Variants in SCARA5 observed in about 807,000 individuals in gnomAD.
SCARA5 encodes scavenger receptor class A, member 5 (putative).
In SCARA5, 45 loss-of-function variants were observed where a neutral mutation model predicts 46.3. That is an observed-to-expected ratio of 0.97 (90% confidence interval 0.76 to 1.24). The LOEUF is 1.24. SCARA5 is among the 50% of genes most tolerant of loss of function. The probability of loss-of-function intolerance (pLI) is 0.00; values close to 1 mark genes in which losing one functional copy is unlikely to be tolerated. For synonymous variants in SCARA5, 333 were observed against 306.5 expected (o/e 1.09, Z -0.90); for missense variants, 680 against 689.0 (o/e 0.99, Z 0.15).
intron 2 of SCARA5, among the ~76,000 whole-genome samples, chr8:27,980,587 CT>C (rs1487822331): frequency 6.6e-6 from 1 of 152,156 alleles, no homozygotes; most frequent in Non-Finnish European, 1.5e-5. Flanking sequence ...AAAGGCGCCC[CT>C]GGTGCCTCTG....
chr8:27,953,171 G>T (rs977278310), intron 3 of SCARA5, among the ~76,000 whole-genome samples: 2 of 152,216 alleles, frequency 1.3e-5, no homozygotes, highest in Non-Finnish European at 2.9e-5. Flanking sequence ...AACCCAGGGG[G>T]CCAGGACATT....
chr8:27,921,888 C>G lies in SCARA5; in HGVS notation c.599G>C (p.Arg200Thr), dbSNP rs770729765. Residue 200 changes from arginine to threonine, a missense_variant, in exon 4 of 9, where the codon AGG (arginine) becomes ACG (threonine). Physicochemically the swap from Arg to Thr is moderately conservative, Grantham distance 71. Around this residue, in one of 3 missense-constraint regions of SCARA5, gnomAD observed 438 missense variants for 384.5 expected, o/e 1.14. Transcript: ENST00000354914. ...VESNSSQLLL[R>T]RHAGLLDGLA... ...CCCGTCCAGCAGGCCCGCGTGGCGCCTCAGCAGCAGCTGGCTACTGTTGCT... is the reference window on the plus strand; with the variant it reads ...CCCGTCCAGCAGGCCCGCGTGGCGCGTCAGCAGCAGCTGGCTACTGTTGCT... 1 of 1,499,012 alleles carries G rather than the reference C, an allele frequency of 6.7e-7. No individual in the cohort carries two copies. Among genetic ancestry groups the G allele is most frequent in the Non-Finnish European group, 8.8e-7 (1 of 1,132,202 alleles). The allele number at this position is 1,499,012 out of a possible 1,614,324, so 92.9% of individuals were successfully genotyped here.
At chr8:27,982,897 A>C (rs988713363) in intron 2 of SCARA5, among the ~76,000 whole-genome samples, 1 of 152,080 alleles carries the variant, frequency 6.6e-6, no homozygotes, top group African/African-American at 2.4e-5. Context: ...AAGAGAAATG[A>C]GGGGCGAGAA....
chr8:27,959,004 A>G (rs1808250276), intron 3 of SCARA5, among the ~76,000 whole-genome samples: 1 of 152,180 alleles, frequency 6.6e-6, no homozygotes, highest in Non-Finnish European at 1.5e-5. Flanking sequence ...AGGCCGAGGC[A>G]GGAAGATCAC....
intron 3 of SCARA5, among the ~76,000 whole-genome samples, chr8:27,945,244 C>A (rs1482011301): frequency 5.9e-5 from 9 of 151,766 alleles, no homozygotes; most frequent in African/African-American, 2.4e-5. Flanking sequence ...AATACTGGTG[C>A]CTCCCTTATT....
intron 3 of SCARA5, among the ~76,000 whole-genome samples, chr8:27,928,048 A>G (rs1007912175): frequency 7.2e-5 from 11 of 152,218 alleles, no homozygotes; most frequent in Non-Finnish European, 1.6e-4. Flanking sequence ...TTCTTTGGGC[A>G]TCAACTTGCG....
intron 3 of SCARA5, among the ~76,000 whole-genome samples, chr8:27,929,213 C>T (rs958764588): frequency 4.6e-5 from 7 of 152,188 alleles, no homozygotes; most frequent in African/African-American, 9.7e-5. Flanking sequence ...ACATCCACTG[C>T]GACCTTCTCA....
intron 1 of SCARA5, among the ~76,000 whole-genome samples, chr8:27,990,645 TGTCA>T (rs1258706976): frequency 6.6e-6 from 1 of 152,202 alleles, no homozygotes; most frequent in Non-Finnish European, 1.5e-5. Context: ...GGGAATTGCA[TGTCA>T]GCCCCTTTGG....
At chr8:27,923,365 C>G (rs62496808) in intron 3 of SCARA5, among the ~76,000 whole-genome samples, 13 of 152,200 alleles carry the variant, frequency 8.5e-5, no homozygotes, top group African/African-American at 2.9e-4. Context: ...ACAGTGTCTC[C>G]TGGAGCTCCA....
At chr8:27,873,527 C>G (rs1463513099) in intron 8 of SCARA5, among the ~76,000 whole-genome samples, 4 of 152,134 alleles carry the variant, frequency 2.6e-5, no homozygotes, top group African/African-American at 9.7e-5. Context: ...AAAGCTCCCC[C>G]ACTGAGCACC....
chr8:27,888,210 C>T (rs1157901228), intron 7 of SCARA5, among the ~76,000 whole-genome samples: 1 of 152,190 alleles, frequency 6.6e-6, no homozygotes, highest in African/African-American at 2.4e-5. Flanking sequence ...AGGGTGCATG[C>T]TGCCATGCCC....
intron 7 of SCARA5, among the ~76,000 whole-genome samples, chr8:27,892,120 A>G (rs1585468190): frequency 6.6e-6 from 1 of 152,226 alleles, no homozygotes; most frequent in Non-Finnish European, 1.5e-5. Context: ...ACTGGGGAAT[A>G]CGGAGAGAGC....
At chr8:27,884,107 C>G (rs1806854483) in intron 7 of SCARA5, among the ~76,000 whole-genome samples, 1 of 152,164 alleles carries the variant, frequency 6.6e-6, no homozygotes, top group Admixed American at 6.5e-5. Context: ...ACCCCAACCC[C>G]AGGAATGATG....
At chr8:27,886,253 C>T (rs1204359850) in intron 7 of SCARA5, 1 of 152,510 alleles carries the variant, frequency 6.6e-6, no homozygotes, top group Non-Finnish European at 1.5e-5. Context: ...GGTGGAGGGC[C>T]GCCTGCCCAC....
At chr8:27,980,601 C>A (rs1268092113) in intron 2 of SCARA5, among the ~76,000 whole-genome samples, 1 of 152,148 alleles carries the variant, frequency 6.6e-6, no homozygotes, top group Admixed American at 6.5e-5. Context: ...TGCCTCTGTA[C>A]CCCCTCCCTC....
chr8:27,978,806 C>T (rs750667722), intron 2 of SCARA5, among the ~76,000 whole-genome samples: 48 of 152,010 alleles, frequency 3.2e-4, no homozygotes, highest in African/African-American at 1.0e-3. Context: ...CCACGGTGCC[C>T]GCCCTCATCT....
intron 5 of SCARA5, 100 bp from the exon 6 acceptor site, chr8:27,907,346 C>T (rs1431092279): frequency 1.4e-6 from 1 of 720,724 alleles, no homozygotes; most frequent in East Asian, 2.8e-5. Flanking sequence ...CCCATGCATC[C>T]TCTCTTAGCC....
chr8:27,976,859 ACTC>A (rs1474941647), intron 2 of SCARA5, among the ~76,000 whole-genome samples: 2 of 150,104 alleles, frequency 1.3e-5, no homozygotes, highest in Non-Finnish European at 3.0e-5. Flanking sequence ...TCCTCGAAAA[ACTC>A]CTCCCCACAA....
chr8:27,884,247 T>C (rs1385664062), intron 7 of SCARA5, among the ~76,000 whole-genome samples: 1 of 152,080 alleles, frequency 6.6e-6, no homozygotes, highest in Non-Finnish European at 1.5e-5. Flanking sequence ...ATTCAGGCTG[T>C]CCCCAAACAG....
Sources: allele counts gnomAD v4.1 joint callset (sites outside exome capture counted in the v4.1 genomes callset), GRCh38; gene constraint gnomAD v4.1.1; regional missense constraint gnomAD v4.1.1; transcripts MANE v1.5; gene names NCBI Gene and HGNC (gene_info 2026-07-23, HGNC 2026-07-21).